Variants in CBLN2 observed in about 807,000 individuals in gnomAD.
CBLN2 encodes cerebellin-2.
A neutral mutation model predicts 15.0 loss-of-function variants in CBLN2; 7 were observed. The ratio of observed to expected loss-of-function variants is 0.47; its 90% CI spans 0.27 to 0.88. The LOEUF is 0.88. CBLN2 is among the 40% of genes least tolerant of loss of function. The pLI is 0.14. For missense variants in CBLN2, 242 were observed against 304.5 expected (o/e 0.79, Z 1.53); for synonymous variants, 149 against 135.2 (o/e 1.10, Z -0.71).
At chr18:72,580,088 T>G (rs1211920155) in intron 1 of CBLN2, among the ~76,000 whole-genome samples, 1 of 117,876 alleles carries the variant, frequency 8.5e-6, no homozygotes, top group East Asian at 2.1e-4. Context: ...TTTTCCAAAT[T>G]ATAGCATAAT....
At chr18:72,615,520 G>T (rs561467460) in intron 1 of CBLN2, among the ~76,000 whole-genome samples, 1 of 151,668 alleles carries the variant, frequency 6.6e-6, no homozygotes, top group Non-Finnish European at 1.5e-5. Context: ...CATGTGATCC[G>T]CCTGCCTTGG....
chr18:72,625,818 C>CTCTATA lies in CBLN2; in HGVS notation c.15+12506_15+12507insTATAGA, dbSNP rs1469005975. Among the ~76,000 whole-genome samples the CTCTATA allele has an allele frequency of 1.7e-3, 97 of 57,382 alleles. 1 individual carries two copies. The highest frequency in any genetic ancestry group is 7.3e-3 in the East Asian group (13 of 1,776). 37.6% of individuals were successfully genotyped at this position (57,382 alleles called of 152,430 possible). On this transcript the variant is annotated intron_variant, in intron 1 of 2. Coordinates refer to the CBLN2 transcript ENST00000581073. ...TCTCTCTCTCTCTCTCTCTCTCTCT[C>CTCTATA]TATATATATATATATATATATATAT...
At chr18:72,606,251 G>A (rs187568916) in intron 1 of CBLN2, among the ~76,000 whole-genome samples, 49 of 152,042 alleles carry the variant, frequency 3.2e-4, no homozygotes, top group Admixed American at 1.4e-3. Context: ...CATAATTATC[G>A]TACCATTTCA....
At chr18:72,595,649 G>T (rs2069508639) in intron 1 of CBLN2, among the ~76,000 whole-genome samples, 1 of 152,006 alleles carries the variant, frequency 6.6e-6, no homozygotes, top group African/African-American at 2.4e-5. Context: ...TCGTACTGGG[G>T]TTTATCTCTC....
Position 72,538,027 on chromosome 18 carries a change from T to C in CBLN2, c.*149A>G, listed in dbSNP as rs1169590675. The stretch of plus-strand genomic sequence containing the variant: ...TTCCAAAAAACAAAAACAAAAGTAC[T>C]GGAGGTTTCAAAGGAAATCATTCTT... On this transcript the variant is annotated 3_prime_UTR_variant, in exon 5 of 5. Transcript: ENST00000269503. The C allele has an allele frequency of 2.6e-6, 2 of 759,194 alleles. No homozygotes were observed. The highest frequency in any genetic ancestry group is 3.5e-5 in the African/African-American group (2 of 56,610). The allele number at this position is 759,194 out of a possible 1,614,324, so 47.0% of individuals were successfully genotyped here. A position where few individuals can be genotyped will look rare whatever the true frequency, so the allele number is the denominator to read the frequency against.
rs1024692998 is a variant in CBLN2, at chr18:72,538,503, G to C, written c.478-130C>G. The C allele has an allele frequency of 4.2e-6, 6 of 1,416,106 alleles. No homozygotes were observed. The African/African-American group carries it at 7.1e-5, about 17-fold the overall frequency. 87.7% of individuals were successfully genotyped at this position (1,416,106 alleles called of 1,614,324 possible). ...GAGTACACATCAGGGGAGCCTGACA[G>C]TGAGCACTCCCAGCTAGTTCAGAGC... On this transcript the variant is annotated intron_variant, in intron 4 of 4. Transcript: ENST00000269503.
At chr18:72,612,132 T>C (rs995323090) in intron 1 of CBLN2, among the ~76,000 whole-genome samples, 4 of 152,206 alleles carry the variant, frequency 2.6e-5, no homozygotes, top group African/African-American at 9.6e-5. Flanking sequence ...CATGCTGTTT[T>C]GGTTACTGTA....
chr18:72,595,527 A>G (rs1413082666), intron 1 of CBLN2, among the ~76,000 whole-genome samples: 1 of 152,128 alleles, frequency 6.6e-6, no homozygotes, highest in African/African-American at 2.4e-5. Flanking sequence ...GTAAATATCT[A>G]TTAGGTCCAT....
At chr18:72,630,560 C>T (rs1321019421) in intron 1 of CBLN2, among the ~76,000 whole-genome samples, 1 of 97,412 alleles carries the variant, frequency 1.0e-5, no homozygotes, top group South Asian at 3.8e-4. Flanking sequence ...CACACACACA[C>T]ATGCAGAGAG....
chr18:72,553,627 G>C (rs1169979167), intron 1 of CBLN2, among the ~76,000 whole-genome samples: 1 of 152,154 alleles, frequency 6.6e-6, no homozygotes, highest in African/African-American at 2.4e-5. Context: ...GGAAAGCTCA[G>C]ACAAATCCTT....
intron 1 of CBLN2, among the ~76,000 whole-genome samples, chr18:72,569,836 C>T (rs2069319639): frequency 6.6e-6 from 1 of 152,224 alleles, no homozygotes. Flanking sequence ...ACCTCCAACA[C>T]ATCCAACACT....
intron 1 of CBLN2, among the ~76,000 whole-genome samples, chr18:72,554,712 C>T (rs765526234): frequency 4.0e-5 from 6 of 151,748 alleles, no homozygotes; most frequent in African/African-American, 7.3e-5. Context: ...TCTCTAAATA[C>T]GCTTAGCCAA....
chr18:72,622,804 G>A (rs1364971419), intron 1 of CBLN2, among the ~76,000 whole-genome samples: 2 of 152,108 alleles, frequency 1.3e-5, no homozygotes, highest in Non-Finnish European at 2.9e-5. Flanking sequence ...ATCACATGCA[G>A]TACCCCCCTC....
intron 1 of CBLN2, among the ~76,000 whole-genome samples, chr18:72,631,622 A>G (rs1231964499): frequency 6.6e-6 from 1 of 152,150 alleles, no homozygotes; most frequent in Admixed American, 6.6e-5. Context: ...GTCACATCTC[A>G]ACTGACTTGG....
intron 1 of CBLN2, among the ~76,000 whole-genome samples, chr18:72,635,850 A>G (rs2069808792): frequency 6.6e-6 from 1 of 152,144 alleles, no homozygotes; most frequent in African/African-American, 2.4e-5. Context: ...CAGGGATCAT[A>G]TGTAATTATC....
intron 1 of CBLN2, among the ~76,000 whole-genome samples, chr18:72,563,617 TCA>T (rs1473766159): frequency 6.6e-6 from 1 of 152,152 alleles, no homozygotes; most frequent in African/African-American, 2.4e-5. Context: ...CCAGTCAAGA[TCA>T]GCTTGGAAAC....
At chr18:72,617,266 T>C (rs2069668484) in intron 1 of CBLN2, among the ~76,000 whole-genome samples, 2 of 152,144 alleles carry the variant, frequency 1.3e-5, no homozygotes, top group Admixed American at 6.5e-5. Context: ...TAATACCAGC[T>C]TACATTCTTA....
intron 1 of CBLN2, among the ~76,000 whole-genome samples, chr18:72,576,559 G>T (rs17356265): frequency 6.6e-6 from 1 of 152,032 alleles, no homozygotes; most frequent in Non-Finnish European, 1.5e-5. Flanking sequence ...TACTCTCAAT[G>T]CTATTATAAC....
intron 1 of CBLN2, among the ~76,000 whole-genome samples, chr18:72,632,609 C>T (rs1373341733): frequency 2.0e-5 from 3 of 152,154 alleles, no homozygotes; most frequent in Non-Finnish European, 2.9e-5. Context: ...GATAATGTCA[C>T]ACACCTGCTT....
Sources: gnomAD v4.1 joint callset for allele counts (sites outside exome capture counted in the v4.1 genomes callset) on GRCh38, gnomAD v4.1.1 for gene constraint, MANE v1.5 for transcripts, NCBI Gene and HGNC (gene_info 2026-07-23, HGNC 2026-07-21) for gene names.